PLPPR1: variants seen among roughly 807,000 people sequenced by gnomAD.
PLPPR1 encodes the protein phospholipid phosphatase-related protein type 1.
In PLPPR1, 10 loss-of-function variants were observed where a neutral mutation model predicts 33.1. The observed-to-expected ratio is 0.30, with a 90% CI of 0.19 to 0.51. PLPPR1 has a LOEUF of 0.51. Among genes scored for constraint, PLPPR1 ranks in the 20% least tolerant of loss-of-function variants. PLPPR1 has a pLI of 0.97. For missense variants in PLPPR1, 304 were observed against 408.1 expected, an observed-to-expected ratio of 0.74 and a Z score of 2.20; for synonymous variants, 151 against 151.0, an observed-to-expected ratio of 1.00 and a Z score of 0.00.
At chr9:101,086,376 A>G (rs1056152083) in intron 1 of PLPPR1, among the ~76,000 whole-genome samples, 1 of 152,154 alleles carries the variant, frequency 6.6e-6, no homozygotes, top group African/African-American at 2.4e-5. Context: ...GAGCTCTGGG[A>G]TAGGAATTTT....
chr9:101,087,336 G>A (rs1288848109), intron 1 of PLPPR1, among the ~76,000 whole-genome samples: 1 of 151,986 alleles, frequency 6.6e-6, no homozygotes, highest in Admixed American at 6.6e-5. Flanking sequence ...GTACTTTAAT[G>A]TCCCTGTTTT....
rs184591183 is a variant in PLPPR1 at position 101,093,166 on chromosome 9, A to G, written c.-46+64064A>G. Among the ~76,000 whole-genome samples the G allele has an allele frequency of 2.0e-4, 31 of 152,326 alleles. 1 individual carries two copies. Among genetic ancestry groups the G allele is most frequent in the Admixed American group, 1.8e-3 (28 of 15,304 alleles). On this transcript the variant is annotated intron_variant, in intron 1 of 7. Coordinates refer to ENST00000374874, the MANE Select transcript of PLPPR1 (RefSeq NM_207299.2). The stretch of plus-strand genomic sequence containing the variant: ...CAGCTTTGAGTCATTTTCAAATTTG[A>G]TAAGAATAACAATAGCACTTTCATC...
At position 101,083,766 on chromosome 9, in the gene PLPPR1, A is replaced by C. The variant is rs112051563; in HGVS notation, c.-46+54664A>C. 6.6e-3 allele frequency among the ~76,000 whole-genome samples: 1,007 copies of C among 152,314 alleles called. 3 individuals are homozygous for C. Among genetic ancestry groups the C allele is most frequent in the Middle Eastern group, 0.01 (3 of 294 alleles). On this transcript the variant is annotated intron_variant, in intron 1 of 7. Coordinates refer to ENST00000374874, the MANE Select transcript of PLPPR1 (RefSeq NM_207299.2). Reference sequence around the variant, plus strand: ...ATTGAATACGAAGATTTATTCTTTCATCTGTTTACTTATAAATGCTCAGAT... The same window carrying C: ...ATTGAATACGAAGATTTATTCTTTCCTCTGTTTACTTATAAATGCTCAGAT...
chr9:101,151,832 G>A (rs1448587438), intron 1 of PLPPR1, among the ~76,000 whole-genome samples: 3 of 152,082 alleles, frequency 2.0e-5, no homozygotes, highest in South Asian at 2.1e-4. Flanking sequence ...AGAAGCAATC[G>A]GTTTGCCACT....
chr9:101,295,699 G>A (rs1341493125), intron 4 of PLPPR1, among the ~76,000 whole-genome samples: 2 of 151,118 alleles, frequency 1.3e-5, no homozygotes, highest in African/African-American at 4.9e-5. Flanking sequence ...CAAGCAATGG[G>A]GAAAGGAATC....
chr9:101,084,164 AGCCATT>A (rs1830651402), intron 1 of PLPPR1, among the ~76,000 whole-genome samples: 1 of 152,194 alleles, frequency 6.6e-6, no homozygotes, highest in East Asian at 1.9e-4. Flanking sequence ...AGGTGGTCCT[AGCCATT>A]GGAGGAGTAA....
intron 1 of PLPPR1, among the ~76,000 whole-genome samples, chr9:101,126,496 G>A (rs1024010877): frequency 6.6e-6 from 1 of 152,158 alleles, no homozygotes; most frequent in African/African-American, 2.4e-5. Context: ...GACAATTGTT[G>A]CCGTTTGTAA....
intron 1 of PLPPR1, among the ~76,000 whole-genome samples, chr9:101,057,310 C>T (rs1830289919): frequency 6.6e-6 from 1 of 152,042 alleles, no homozygotes; most frequent in Non-Finnish European, 1.5e-5. Flanking sequence ...CAACTATTTT[C>T]TTGGTTAAAG....
At position 101,274,791 on chromosome 9, in the gene PLPPR1, A is replaced by G. The variant is rs371858286; in HGVS notation, c.252+4723A>G. 1.7e-4 allele frequency among the ~76,000 whole-genome samples: 26 copies of G among 152,278 alleles called. No homozygotes were observed. The South Asian group carries it at 2.5e-3, about 15-fold the overall frequency. Reference sequence around the variant, plus strand: ...ATCTTTTCCCAGGTTTAATAAGACTAGAGAGGCAGGTCTCATGTCACAGCT... The same window carrying G: ...ATCTTTTCCCAGGTTTAATAAGACTGGAGAGGCAGGTCTCATGTCACAGCT... On this transcript the variant is annotated intron_variant, in intron 3 of 7. Coordinates refer to ENST00000374874, the MANE Select transcript of PLPPR1 (RefSeq NM_207299.2).
chr9:101,262,972 G>C (rs1365466725), intron 2 of PLPPR1, among the ~76,000 whole-genome samples: 3 of 152,078 alleles, frequency 2.0e-5, no homozygotes, highest in African/African-American at 7.2e-5. Context: ...CCTGGACACA[G>C]GGAGTGGAAC....
At chr9:101,174,009 T>C (rs1825983970) in intron 1 of PLPPR1, among the ~76,000 whole-genome samples, 1 of 152,066 alleles carries the variant, frequency 6.6e-6, no homozygotes, top group Non-Finnish European at 1.5e-5. Flanking sequence ...CTTTAAAAAT[T>C]AGCTGGACAT....
chr9:101,177,894 G>C (rs138081566), intron 1 of PLPPR1, among the ~76,000 whole-genome samples: 1 of 152,000 alleles, frequency 6.6e-6, no homozygotes, highest in South Asian at 2.1e-4. Context: ...CAAAAATCTG[G>C]ATTGGTATAA....
intron 1 of PLPPR1, among the ~76,000 whole-genome samples, chr9:101,163,261 G>A (rs892601646): frequency 6.6e-6 from 1 of 152,146 alleles, no homozygotes; most frequent in African/African-American, 2.4e-5. Flanking sequence ...ATAGAGAACT[G>A]AACTACAAAT....
intron 1 of PLPPR1, among the ~76,000 whole-genome samples, chr9:101,141,362 G>T (rs1271351582): frequency 6.6e-6 from 1 of 152,172 alleles, no homozygotes; most frequent in Non-Finnish European, 1.5e-5. Flanking sequence ...AGTCACTGGG[G>T]TAAGCATTTG....
intron 1 of PLPPR1, among the ~76,000 whole-genome samples, chr9:101,159,891 T>C (rs966913081): frequency 6.6e-6 from 1 of 152,188 alleles, no homozygotes; most frequent in Admixed American, 6.6e-5. Flanking sequence ...GAGTGAGACC[T>C]TTAGAGCTGG....
intron 1 of PLPPR1, among the ~76,000 whole-genome samples, chr9:101,046,882 TG>T (rs1282097848): frequency 6.6e-6 from 1 of 152,254 alleles, no homozygotes; most frequent in Non-Finnish European, 1.5e-5. Context: ...GCATTTATCT[TG>T]GTTAAGTATC....
intron 2 of PLPPR1, among the ~76,000 whole-genome samples, chr9:101,231,132 T>G (rs1827175784): frequency 6.6e-6 from 1 of 151,866 alleles, no homozygotes; most frequent in African/African-American, 2.4e-5. Context: ...AGAAGAGGGG[T>G]TTGAACTGTC....
At chr9:101,126,963 C>G (rs1286017065) in intron 1 of PLPPR1, among the ~76,000 whole-genome samples, 1 of 152,138 alleles carries the variant, frequency 6.6e-6, no homozygotes, top group African/African-American at 2.4e-5. Context: ...CCAATTCTCT[C>G]CCATTTATCC....
intron 1 of PLPPR1, among the ~76,000 whole-genome samples, chr9:101,052,086 C>T (rs1248028188): frequency 6.6e-6 from 1 of 151,928 alleles, no homozygotes; most frequent in African/African-American, 2.4e-5. Flanking sequence ...CTTCAGTTTC[C>T]TAATCAGTAA....
Sources: allele counts gnomAD v4.1 joint callset (sites outside exome capture counted in the v4.1 genomes callset), GRCh38; gene constraint gnomAD v4.1.1; transcripts MANE v1.5; gene names NCBI Gene and HGNC (gene_info 2026-07-23, HGNC 2026-07-21).